The following BCAR3 variants were observed in gnomAD, a reference collection of about 807,000 sequenced individuals.
BCAR3 encodes the protein BCAR3 adaptor protein, NSP family member.
A neutral mutation model predicts 80.1 loss-of-function variants in BCAR3; 37 were observed. The ratio of observed to expected loss-of-function variants is 0.46; its 90% CI spans 0.36 to 0.61. BCAR3 has a LOEUF of 0.61. Among genes scored for constraint, BCAR3 ranks in the 20% least tolerant of loss-of-function variants. The probability of loss-of-function intolerance (pLI) is 0.00; values close to 1 mark genes in which losing one functional copy is unlikely to be tolerated. For synonymous variants in BCAR3, 389 were observed against 418.9 expected, an observed-to-expected ratio of 0.93 and a Z score of 0.87; for missense variants, 978 against 1,068.2, an observed-to-expected ratio of 0.92 and a Z score of 1.18.
rs1648776271 is a variant in BCAR3, at chr1:93,681,741, C to T, written c.-155G>A. The T allele has an allele frequency of 6.6e-6, 1 of 151,776 alleles. No homozygotes were observed. The highest frequency in any genetic ancestry group is 1.5e-5 in the Non-Finnish European group (1 of 67,912). 9.4% of individuals were successfully genotyped at this position (151,776 alleles called of 1,614,324 possible). ...GACGCTCATGGTCCGCGGGGCGTGC[C>T]CGCCGAGAATCCCGCGCGCGTCTAG... is the stretch of plus-strand genomic sequence containing the variant. On this transcript the variant is annotated 5_prime_UTR_variant, in exon 1 of 12. Transcript: ENST00000260502.
intron 2 of BCAR3, among the ~76,000 whole-genome samples, chr1:93,772,436 T>G (rs1652390569): frequency 6.6e-6 from 1 of 152,168 alleles, no homozygotes; most frequent in Admixed American, 6.5e-5. Flanking sequence ...CATTCAGCTC[T>G]GGGCAACAGA....
chr1:93,634,132 C>A (rs966095595), intron 3 of BCAR3, among the ~76,000 whole-genome samples: 2 of 152,180 alleles, frequency 1.3e-5, no homozygotes, highest in Non-Finnish European at 2.9e-5. Context: ...TATTTGTTTT[C>A]TGTCACTATA....
chr1:93,768,029 A>T (rs992747145), intron 2 of BCAR3, among the ~76,000 whole-genome samples: 8 of 152,202 alleles, frequency 5.3e-5, no homozygotes, highest in Admixed American at 6.5e-5. Context: ...AGACAGGAAC[A>T]TAGCAAGGCT....
chr1:93,767,808 G>A (rs543927680), intron 2 of BCAR3, among the ~76,000 whole-genome samples: 1 of 152,066 alleles, frequency 6.6e-6, no homozygotes, highest in South Asian at 2.1e-4. Context: ...GAGTATTCTC[G>A]GGGCAAACAG....
chr1:93,613,149 T>C (rs1426462121), intron 3 of BCAR3, among the ~76,000 whole-genome samples: 1 of 152,162 alleles, frequency 6.6e-6, no homozygotes, highest in Non-Finnish European at 1.5e-5. Flanking sequence ...CGACAGGCTT[T>C]TTCCAAGGCA....
intron 3 of BCAR3, among the ~76,000 whole-genome samples, chr1:93,607,138 C>G (rs1674794044): frequency 6.6e-6 from 1 of 151,996 alleles, no homozygotes; most frequent in African/African-American, 2.4e-5. Flanking sequence ...GACAAATTAC[C>G]CATTGGTACA....
intron 2 of BCAR3, among the ~76,000 whole-genome samples, chr1:93,762,318 C>T (rs1651975575): frequency 1.3e-5 from 2 of 152,332 alleles, no homozygotes; most frequent in Admixed American, 1.3e-4. Flanking sequence ...TAACAGACCC[C>T]TGAAGGGTCA....
rs562253803 is a variant in BCAR3, at chr1:93,628,763, T to C, written c.357+13541A>G. On this transcript the variant is annotated intron_variant, in intron 3 of 11. Transcript: ENST00000260502. ...AGGATTGACTTGACTGTCTTTCTTA[T>C]TGTCTTTCCAGTCCTCCACCCCCAG... 7.9e-5 allele frequency among the ~76,000 whole-genome samples: 12 copies of C among 152,366 alleles called. No individual in the cohort carries two copies. The South Asian group carries it at 1.2e-3, about 16-fold the overall frequency.
At chr1:93,785,354 T>A (rs1295523252) in intron 2 of BCAR3, among the ~76,000 whole-genome samples, 1 of 152,172 alleles carries the variant, frequency 6.6e-6, no homozygotes, top group African/African-American at 2.4e-5. Context: ...TGGTGGGGAC[T>A]GCAGCAAACA....
At chr1:93,787,030 C>T (rs1286971026) in intron 2 of BCAR3, among the ~76,000 whole-genome samples, 1 of 152,204 alleles carries the variant, frequency 6.6e-6, no homozygotes, top group East Asian at 1.9e-4. Context: ...CTAAGAATCA[C>T]TGATTGTTTC....
intron 2 of BCAR3, among the ~76,000 whole-genome samples, chr1:93,766,408 A>G (rs1161653320): frequency 6.6e-6 from 1 of 152,252 alleles, no homozygotes; most frequent in East Asian, 1.9e-4. Context: ...GGTGCTGACC[A>G]TGACTGAGCT....
rs531380031 is a variant in BCAR3 at position 93,801,778 on chromosome 1, A to G, written c.-63+43789T>C. ...AGTTAGAGACCAGTAGTAACATAGT[A>G]AGGCATATATAGTAAGGCAACATAG... On this transcript the variant is annotated intron_variant, in intron 2 of 13. Coordinates refer to the BCAR3 transcript ENST00000370244. Among the ~76,000 whole-genome samples, 3 of 152,276 alleles carry G rather than the reference A, an allele frequency of 2.0e-5. No individual in the cohort carries two copies. The East Asian group carries it at 5.8e-4, about 29-fold the overall frequency.
intron 3 of BCAR3, among the ~76,000 whole-genome samples, chr1:93,692,657 C>A (rs537880072): frequency 7.6e-4 from 116 of 152,310 alleles, no homozygotes; most frequent in African/African-American, 2.6e-3. Context: ...GTTCACAGAG[C>A]TGGGATGTGG....
At chr1:93,750,783 CAT>C (rs1557675672) in intron 2 of BCAR3, among the ~76,000 whole-genome samples, 1 of 152,188 alleles carries the variant, frequency 6.6e-6, no homozygotes, top group Non-Finnish European at 1.5e-5. Flanking sequence ...AGGCTCAAGA[CAT>C]GTGAGTGAAT....
chr1:93,757,774 C>A (rs1403794157), intron 2 of BCAR3, among the ~76,000 whole-genome samples: 1 of 152,224 alleles, frequency 6.6e-6, no homozygotes, highest in African/African-American at 2.4e-5. Context: ...GCAGAATGCA[C>A]ATGCTGGCCT....
chr1:93,752,853 G>A (rs1229743613), intron 2 of BCAR3: 2 of 152,216 alleles, frequency 1.3e-5, no homozygotes, highest in South Asian at 2.1e-4. Context: ...AGAAAAAGCA[G>A]TCGAAACTGT....
intron 2 of BCAR3, chr1:93,775,516 C>CT (rs1295161423): frequency 6.6e-6 from 1 of 152,116 alleles, no homozygotes; most frequent in Non-Finnish European, 1.5e-5. Context: ...CTGTCCTGAG[C>CT]TGAAAGGAAG....
chr1:93,647,865 C>T (rs1424009761), intron 2 of BCAR3, among the ~76,000 whole-genome samples: 9 of 151,980 alleles, frequency 5.9e-5, no homozygotes, highest in South Asian at 2.1e-4. Context: ...CTCTGCCTCC[C>T]GGGTTCAAGC....
chr1:93,622,904 GAGGAAGGGA>G (rs1432112521), intron 3 of BCAR3, among the ~76,000 whole-genome samples: 9 of 152,202 alleles, frequency 5.9e-5, no homozygotes, highest in Admixed American at 1.3e-4. Flanking sequence ...GGGCTGGGTG[GAGGAAGGGA>G]GAATTACTAG....
Sources: gnomAD v4.1 joint callset for allele counts (sites outside exome capture counted in the v4.1 genomes callset) on GRCh38, gnomAD v4.1.1 for gene constraint, MANE v1.5 for transcripts, NCBI Gene and HGNC (gene_info 2026-07-23, HGNC 2026-07-21) for gene names.